ADAMTSL1: variants seen among roughly 807,000 people sequenced by gnomAD.
ADAMTSL1 encodes the protein ADAMTS like 1, also known as ADAMTS-like protein 1.
In ADAMTSL1, 126 loss-of-function variants were observed where a neutral mutation model predicts 201.8. The observed-to-expected ratio is 0.62, with a 90% CI of 0.54 to 0.72. ADAMTSL1 has a LOEUF of 0.72. ADAMTSL1 is among the 30% of genes least tolerant of loss of function. The pLI is 0.00. For synonymous variants in ADAMTSL1, 1,121 were observed against 903.4 expected (o/e 1.24, Z -4.32); for missense variants, 2,679 against 2,277.8 (o/e 1.18, Z -3.59).
intron 2 of ADAMTSL1, among the ~76,000 whole-genome samples, chr9:18,216,113 T>C (rs906951238): frequency 5.3e-5 from 8 of 152,204 alleles, no homozygotes; most frequent in Admixed American, 5.2e-4. Context: ...AACCAAGATA[T>C]GTCTCTAATA....
chr9:18,558,950 T>C (rs1441492150), intron 3 of ADAMTSL1, among the ~76,000 whole-genome samples: 2 of 152,238 alleles, frequency 1.3e-5, no homozygotes, highest in East Asian at 3.8e-4. Context: ...TCTCCCATTC[T>C]GTAGGTTGCC....
chr9:18,474,104 G>T, upstream of ADAMTSL1: 5 of 594,510 alleles, frequency 8.4e-6, no homozygotes, highest in African/African-American at 1.9e-5. Context: ...GTCAGGAAAT[G>T]TGAGAGGGGC....
chr9:18,681,697 T>TGTGTC, intron 11 of ADAMTSL1, 115 bp from the exon 12 acceptor site: 1 of 238,092 alleles, frequency 4.2e-6, no homozygotes, highest in Non-Finnish European at 6.6e-6. Context: ...AGTCCTCGTG[T>TGTGTC]GGGGGGGGGG....
chr9:18,242,276 C>T (rs916891470), intron 2 of ADAMTSL1, among the ~76,000 whole-genome samples: 14 of 152,060 alleles, frequency 9.2e-5, no homozygotes, highest in Non-Finnish European at 2.1e-4. Context: ...GATTGTCTCA[C>T]TTGATGCAGA....
intron 2 of ADAMTSL1, among the ~76,000 whole-genome samples, chr9:18,177,960 G>C (rs984909378): frequency 6.6e-6 from 1 of 152,200 alleles, no homozygotes; most frequent in South Asian, 2.1e-4. Context: ...CTTGCCAGTG[G>C]CTTTAAAATT....
At chr9:18,083,645 C>T (rs1247574913) in intron 1 of ADAMTSL1, among the ~76,000 whole-genome samples, 1 of 152,212 alleles carries the variant, frequency 6.6e-6, no homozygotes, top group Non-Finnish European at 1.5e-5. Flanking sequence ...CAATTCTAAA[C>T]ACAGTGCAAC....
chr9:18,581,522 G>A (rs1474149606), intron 4 of ADAMTSL1, among the ~76,000 whole-genome samples: 1 of 152,106 alleles, frequency 6.6e-6, no homozygotes, highest in Non-Finnish European at 1.5e-5. Context: ...AGAGTCAACT[G>A]TAACTCTAAA....
chr9:18,128,932 C>G (rs28458176), intron 1 of ADAMTSL1, among the ~76,000 whole-genome samples: 5,132 of 152,092 alleles, frequency 0.034, 248 homozygotes, highest in African/African-American at 0.1. Flanking sequence ...AAGAAAGAAC[C>G]TATATTTTGC....
At chr9:18,849,956 C>A (rs1224819438) in intron 23 of ADAMTSL1, among the ~76,000 whole-genome samples, 1 of 152,102 alleles carries the variant, frequency 6.6e-6, no homozygotes, top group Non-Finnish European at 1.5e-5. Context: ...AGGGCATTTA[C>A]AAGGAAGCCA....
intron 2 of ADAMTSL1, among the ~76,000 whole-genome samples, chr9:18,292,402 C>T (rs1032152167): frequency 1.3e-5 from 2 of 152,092 alleles, no homozygotes; most frequent in Non-Finnish European, 2.9e-5. Flanking sequence ...GGCAAATTCT[C>T]AGTGTTAGGG....
chr9:18,297,480 C>T (rs779471596), intron 2 of ADAMTSL1, among the ~76,000 whole-genome samples: 11 of 151,712 alleles, frequency 7.3e-5, no homozygotes, highest in Admixed American at 2.0e-4. Flanking sequence ...TAATCTCAGA[C>T]GTGAACTTAT....
intron 2 of ADAMTSL1, among the ~76,000 whole-genome samples, chr9:18,343,332 T>C (rs1835556148): frequency 6.6e-6 from 1 of 152,118 alleles, no homozygotes; most frequent in South Asian, 2.1e-4. Context: ...TTCTGTGCTT[T>C]CCTTTTCACC....
At chr9:18,229,039 T>C (rs922785197) in intron 2 of ADAMTSL1, among the ~76,000 whole-genome samples, 1 of 152,072 alleles carries the variant, frequency 6.6e-6, no homozygotes, top group Non-Finnish European at 1.5e-5. Context: ...CATCCAAAAA[T>C]TTAACATGGG....
chr9:18,627,217 A>G (rs1424315972), intron 5 of ADAMTSL1, among the ~76,000 whole-genome samples: 1 of 152,102 alleles, frequency 6.6e-6, no homozygotes, highest in Non-Finnish European at 1.5e-5. Flanking sequence ...CCTGGCCTCA[A>G]GTGATCTGCC....
rs56791750 is a variant in ADAMTSL1, at chr9:18,714,674, G to C, written c.1877-6862G>C. 2.9e-3 allele frequency among the ~76,000 whole-genome samples: 444 copies of C among 151,212 alleles called. 3 individuals are homozygous for C. Among genetic ancestry groups the C allele is most frequent in the African/African-American group, 0.01 (427 of 41,330 alleles). ...AGCCGAATTCTACCAGAGGTACAAG[G>C]AGGAACTGGTACCATTCCTTCTGAA... On this transcript the variant is annotated intron_variant, in intron 14 of 28. Transcript: ENST00000380548.
chr9:18,531,894 A>G (rs1304135062), intron 2 of ADAMTSL1, among the ~76,000 whole-genome samples: 2 of 152,150 alleles, frequency 1.3e-5, no homozygotes, highest in Non-Finnish European at 2.9e-5. Flanking sequence ...TAGCTCTACA[A>G]CTTAACAGTT....
intron 2 of ADAMTSL1, among the ~76,000 whole-genome samples, chr9:18,525,049 C>T (rs1045224297): frequency 7.9e-5 from 12 of 152,126 alleles, no homozygotes; most frequent in African/African-American, 1.7e-4. Context: ...CAGTAGAATT[C>T]GGCTGTGAAT....
At position 18,656,628 on chromosome 9, in the gene ADAMTSL1, C is replaced by CAAA. The variant is rs34965386; in HGVS notation, c.835-996_835-994dup. On this transcript the variant is annotated intron_variant, in intron 7 of 28. Coordinates refer to ENST00000380548, the MANE Select transcript of ADAMTSL1 (RefSeq NM_001040272.6). ...TGAGCAACAGAGCAAGACTCCATCG[C>CAAA]AAAAAAAAAAAAAAAAAGAAAATGT... Among the ~76,000 whole-genome samples, 109 of 75,320 alleles carry CAAA rather than the reference C, an allele frequency of 1.4e-3. 2 individuals are homozygous for CAAA. The highest frequency in any genetic ancestry group is 3.8e-3 in the African/African-American group (83 of 21,560). 49.4% of individuals were successfully genotyped at this position (75,320 alleles called of 152,430 possible).
intron 1 of ADAMTSL1, among the ~76,000 whole-genome samples, chr9:17,922,918 G>A (rs909489386): frequency 1.3e-5 from 2 of 152,138 alleles, no homozygotes; most frequent in Admixed American, 1.3e-4. Context: ...GAGACATAGG[G>A]GAAGGAAAGC....
Sources: allele counts gnomAD v4.1 joint callset (sites outside exome capture counted in the v4.1 genomes callset), GRCh38; gene constraint gnomAD v4.1.1; transcripts MANE v1.5; gene names NCBI Gene and HGNC (gene_info 2026-07-23, HGNC 2026-07-21).